The following TRAPPC10 variants were observed in gnomAD, a reference collection of about 807,000 sequenced individuals.
TRAPPC10 encodes TRAPP 130 kDa subunit.
In TRAPPC10, 23 loss-of-function variants were observed where a neutral mutation model predicts 125.5. The ratio of observed to expected loss-of-function variants is 0.18; its 90% CI spans 0.13 to 0.26. TRAPPC10 has a LOEUF of 0.26. Among genes scored for constraint, TRAPPC10 ranks in the 10% least tolerant of loss-of-function variants. The pLI is 1.00. For missense variants in TRAPPC10, 1,123 were observed against 1,308.4 expected (o/e 0.86, Z 2.19); for synonymous variants, 509 against 518.0 (o/e 0.98, Z 0.24).
At chr21:44,046,638 A>G in intron 3 of TRAPPC10, 1 of 219,624 alleles carries the variant, frequency 4.6e-6, no homozygotes, top group Non-Finnish European at 9.1e-6. Context: ...CATCCTCCCG[A>G]GTAGCTGGGA....
intron 1 of TRAPPC10, among the ~76,000 whole-genome samples, chr21:44,019,126 G>A (rs1027454591): frequency 1.3e-5 from 2 of 152,042 alleles, no homozygotes; most frequent in South Asian, 4.2e-4. Flanking sequence ...GCATGATCTC[G>A]GCTCACTGCA....
intron 7 of TRAPPC10, among the ~76,000 whole-genome samples, chr21:44,067,879 T>C (rs1261414039): frequency 6.6e-6 from 1 of 152,038 alleles, no homozygotes; most frequent in African/African-American, 2.4e-5. Flanking sequence ...CCTGGCACTT[T>C]GGGAGGTCGA....
intron 1 of TRAPPC10, among the ~76,000 whole-genome samples, chr21:44,016,719 T>G (rs571995123): frequency 1.3e-5 from 2 of 152,176 alleles, no homozygotes; most frequent in Non-Finnish European, 2.9e-5. Flanking sequence ...AGTGCAGTGG[T>G]GTGATCTTGG....
At chr21:44,095,815 C>T (rs1405378093) in intron 20 of TRAPPC10, among the ~76,000 whole-genome samples, 3 of 151,976 alleles carry the variant, frequency 2.0e-5, no homozygotes, top group South Asian at 2.1e-4. Flanking sequence ...TGATCCACCC[C>T]GCTTGGCCTC....
chr21:44,083,862 A>G (rs1401421746), intron 14 of TRAPPC10, among the ~76,000 whole-genome samples: 1 of 152,236 alleles, frequency 6.6e-6, no homozygotes, highest in African/African-American at 2.4e-5. Context: ...CAATGCCACA[A>G]ATACAGTTTA....
chr21:44,075,169 T>C lies in TRAPPC10; in HGVS notation c.1300+16T>C. On this transcript the variant is annotated intron_variant, in intron 9 of 22. Coordinates refer to ENST00000291574, the MANE Select transcript of TRAPPC10 (RefSeq NM_003274.5). The stretch of plus-strand genomic sequence containing the variant: ...CCAGAAACAGGTACTTTTTTGTATA[T>C]ACCTGTGTGAGTGGTGAGGTGGACA... 6.4e-7 allele frequency: 1 copy of C among 1,568,008 alleles called. No individual in the cohort carries two copies. Among genetic ancestry groups the C allele is most frequent in the Non-Finnish European group, 8.8e-7 (1 of 1,139,462 alleles).
At chr21:44,020,798 G>A (rs2032429652) in intron 1 of TRAPPC10, among the ~76,000 whole-genome samples, 2 of 152,140 alleles carry the variant, frequency 1.3e-5, no homozygotes, top group South Asian at 2.1e-4. Context: ...AAACATCCAG[G>A]TTAATGAGAA....
chr21:44,020,518 C>G (rs567050017), intron 1 of TRAPPC10, among the ~76,000 whole-genome samples: 1 of 151,970 alleles, frequency 6.6e-6, no homozygotes, highest in African/African-American at 2.4e-5. Flanking sequence ...TGCTTCTAGT[C>G]CTAGCTACTT....
At position 44,022,450 on chromosome 21, in the gene TRAPPC10, ATTTTTTTTTT is replaced by A. The variant is rs71197876; in HGVS notation, c.68-9625_68-9616del. On this transcript the variant is annotated intron_variant, in intron 1 of 22. Coordinates refer to ENST00000291574, the MANE Select transcript of TRAPPC10 (RefSeq NM_003274.5). ...AGGCGTGTGCCACCATGCCCAGCTA[ATTTTTTTTTT>A]TTTTTTTTTTTTTTTACAAAGACGG... is the stretch of plus-strand genomic sequence containing the variant. Among the ~76,000 whole-genome samples the A allele has an allele frequency of 2.0e-3, 198 of 96,966 alleles. 1 individual carries two copies. The highest frequency in any genetic ancestry group is 9.2e-3 in the African/African-American group (181 of 19,726). The allele number at this position is 96,966 out of a possible 152,430, so 63.6% of individuals were successfully genotyped here.
intron 7 of TRAPPC10, among the ~76,000 whole-genome samples, chr21:44,070,921 G>T (rs1169797449): frequency 6.6e-6 from 1 of 152,190 alleles, no homozygotes; most frequent in Admixed American, 6.5e-5. Context: ...TCATCCCTCC[G>T]TTGAGGCAGG....
At chr21:44,060,665 A>C (rs2035966277) in intron 6 of TRAPPC10, among the ~76,000 whole-genome samples, 1 of 151,948 alleles carries the variant, frequency 6.6e-6, no homozygotes, top group African/African-American at 2.4e-5. Flanking sequence ...CAGTGGTGTG[A>C]TCTTGGCCCA....
At chr21:44,074,132 C>T (rs913106786) in intron 7 of TRAPPC10, among the ~76,000 whole-genome samples, 192 bp from the exon 8 acceptor site, 7 of 152,158 alleles carry the variant, frequency 4.6e-5, no homozygotes, top group African/African-American at 1.7e-4. Flanking sequence ...TCTCTCTTCC[C>T]ATGTGAATGT....
At chr21:44,085,227 C>T (rs1282970711) in intron 15 of TRAPPC10, among the ~76,000 whole-genome samples, 1 of 151,984 alleles carries the variant, frequency 6.6e-6, no homozygotes, top group East Asian at 1.9e-4. Flanking sequence ...ACTCATTAGC[C>T]TACAAAAAGA....
At position 44,059,566 on chromosome 21, in the gene TRAPPC10, G is replaced by C; in HGVS notation, c.790+352G>C. On this transcript the variant is annotated intron_variant, in intron 6 of 22. Coordinates refer to ENST00000291574, the MANE Select transcript of TRAPPC10 (RefSeq NM_003274.5). The surrounding 1 kb of genome is among the most constrained non-coding windows in gnomAD (Gnocchi z 4.4). ...ACGTCCCTTTGCCTTCCATCCAGGGGTTATCTTTGGAATGCTCGAGTGCTC... is the reference window on the plus strand; with the variant it reads ...ACGTCCCTTTGCCTTCCATCCAGGGCTTATCTTTGGAATGCTCGAGTGCTC... 1.4e-6 allele frequency: 1 copy of C among 707,988 alleles called. No individual in the cohort carries two copies. The highest frequency in any genetic ancestry group is 2.2e-5 in the Admixed American group (1 of 46,010). The allele number at this position is 707,988 out of a possible 1,614,324, so 43.9% of individuals were successfully genotyped here.
chr21:44,035,006 A>G (rs2033886390), intron 2 of TRAPPC10, among the ~76,000 whole-genome samples: 1 of 152,220 alleles, frequency 6.6e-6, no homozygotes, highest in African/African-American at 2.4e-5. Context: ...CTAAGCCTCC[A>G]GGTTTGTGGT....
At position 44,077,782 on chromosome 21, in the gene TRAPPC10, C is replaced by T. The variant is rs1054485382; in HGVS notation, c.1467C>T (p.Tyr489=). 4 of 1,605,102 alleles carry T rather than the reference C, an allele frequency of 2.5e-6. No individual in the cohort carries two copies. Among genetic ancestry groups the T allele is most frequent in the African/African-American group, 1.3e-5 (1 of 74,776 alleles). The change falls in exon 11 of 23, where the codon TAC becomes TAT. Residue 489 remains tyrosine, a splice_region_variant and synonymous_variant. Transcript: ENST00000291574. ...KFVGKDLAEF[Y]MRKKAPQKAE... ...TTGGAAAAGATCTGGCAGAGTTTTA[C>T]ATGTAATTGATTTTGTACTTTTCTT... is the stretch of plus-strand genomic sequence containing the variant.
intron 1 of TRAPPC10, among the ~76,000 whole-genome samples, chr21:44,020,110 TTTTTC>T (rs952392452): frequency 2.0e-5 from 3 of 152,074 alleles, no homozygotes; most frequent in African/African-American, 4.8e-5. Flanking sequence ...TGTTTGGACA[TTTTTC>T]TTTTCTTTTC....
At chr21:44,066,093 A>G (rs769600249) in intron 7 of TRAPPC10, among the ~76,000 whole-genome samples, 20 of 152,140 alleles carry the variant, frequency 1.3e-4, no homozygotes, top group Non-Finnish European at 1.9e-4. Flanking sequence ...AGCAGAGGCC[A>G]GGGGGTAGGT....
chr21:44,081,021 T>C (rs868421784), intron 13 of TRAPPC10, among the ~76,000 whole-genome samples: 2,588 of 136,212 alleles, frequency 0.019, 39 homozygotes, highest in Middle Eastern at 0.051. Flanking sequence ...TTTTTTCTTT[T>C]TTTTTTTTTT....
Sources: allele counts gnomAD v4.1 joint callset (sites outside exome capture counted in the v4.1 genomes callset), GRCh38; gene constraint gnomAD v4.1.1; non-coding constraint Gnocchi (gnomAD v3.1); transcripts MANE v1.5; gene names NCBI Gene and HGNC (gene_info 2026-07-23, HGNC 2026-07-21).